Variants in SYCP2 observed in about 807,000 individuals in gnomAD.
The protein encoded by SYCP2 is synaptonemal complex protein 2.
In SYCP2, 55 loss-of-function variants were observed where a neutral mutation model predicts 211.3. The ratio of observed to expected loss-of-function variants is 0.26; its 90% CI spans 0.21 to 0.33. The LOEUF is 0.33. SYCP2 is among the 10% of genes least tolerant of loss of function. The pLI, the probability that SYCP2 is intolerant of heterozygous loss-of-function variation, is 1.00. For missense variants in SYCP2, 1,731 were observed against 1,752.0 expected, an observed-to-expected ratio of 0.99 and a Z score of 0.21; for synonymous variants, 570 against 555.2, an observed-to-expected ratio of 1.03 and a Z score of -0.37.
intron 18 of SYCP2, among the ~76,000 whole-genome samples, chr20:59,897,723 G>A (rs1465809894): frequency 6.6e-6 from 1 of 152,126 alleles, no homozygotes; most frequent in Non-Finnish European, 1.5e-5. Flanking sequence ...GTGCCTGTGA[G>A]AGTTATAGTT....
intron 18 of SYCP2, chr20:59,899,908 C>T (rs150349214): frequency 2.1e-4 from 98 of 477,206 alleles, no homozygotes; most frequent in African/African-American, 1.8e-3. Context: ...CTCTAATCTG[C>T]AATTTACAAC....
Position 59,882,122 on chromosome 20 carries a change from A to G in SYCP2, c.2573T>C (p.Phe858Ser). 6.2e-7 allele frequency: 1 copy of G among 1,613,126 alleles called. No homozygotes were observed. The highest frequency in any genetic ancestry group is 8.5e-7 in the Non-Finnish European group (1 of 1,179,512). ...KKSYRKLKTT[F>S]VNVTSECPVN... ...TGGGCATTCAGAAGTAACATTAACA[A>G]AGGTAGTCTTCAGTTTTCTGTAGCT... Residue 858 changes from phenylalanine to serine, a missense_variant, in exon 27 of 45, where the codon TTT (phenylalanine) becomes TCT (serine). Physicochemically the swap from Phe to Ser is radical, Grantham distance 155. Around this residue, in one of 3 missense-constraint regions of SYCP2, gnomAD observed 1,387 missense variants for 1,351.3 expected, o/e 1.03. Transcript: ENST00000357552.
Position 59,881,035 on chromosome 20 carries a change from A to G in SYCP2, c.2715-12T>C. 1 of 1,409,708 alleles carries G rather than the reference A, an allele frequency of 7.1e-7. No homozygotes were observed. Among genetic ancestry groups the G allele is most frequent in the South Asian group, 1.3e-5 (1 of 77,608 alleles). The allele number at this position is 1,409,708 out of a possible 1,614,324, so 87.3% of individuals were successfully genotyped here. On this transcript the variant is annotated splice_polypyrimidine_tract_variant and intron_variant, in intron 29 of 44. Coordinates refer to ENST00000357552, the MANE Select transcript of SYCP2 (RefSeq NM_014258.4). ...TCCTTGGACCTACCCTTAAACAAAAATATGTATTAATTAAAAAATACCCTT... is the reference window on the plus strand; with the variant it reads ...TCCTTGGACCTACCCTTAAACAAAAGTATGTATTAATTAAAAAATACCCTT...
chr20:59,910,664 A>G (rs1399945543), intron 14 of SYCP2, among the ~76,000 whole-genome samples: 1 of 151,986 alleles, frequency 6.6e-6, no homozygotes, highest in Admixed American at 6.6e-5. Flanking sequence ...TTTCCTTTAT[A>G]GTAGTTACTG....
chr20:59,901,934 G>A, intron 15 of SYCP2, 124 bp from the exon 16 acceptor site: 2 of 727,402 alleles, frequency 2.7e-6, no homozygotes, highest in Non-Finnish European at 4.1e-6. Flanking sequence ...ATTGAACAGT[G>A]TTTAAATTAA....
At chr20:59,913,584 G>A (rs1371477895) in intron 12 of SYCP2, among the ~76,000 whole-genome samples, 1 of 152,036 alleles carries the variant, frequency 6.6e-6, no homozygotes, top group Non-Finnish European at 1.5e-5. Context: ...TTACATTCCA[G>A]TATGTGGATG....
intron 3 of SYCP2, among the ~76,000 whole-genome samples, chr20:59,921,733 A>AAAAGCAAAAAAATTTTG (rs2060544879): frequency 6.6e-6 from 1 of 151,482 alleles, no homozygotes; most frequent in Non-Finnish European, 1.5e-5. Flanking sequence ...CTCAACAGAA[A>AAAAGCAAAAAAATTTTG]CTTGATGAAA....
chr20:59,917,812 A>G (rs1416107448), intron 7 of SYCP2, among the ~76,000 whole-genome samples: 1 of 152,178 alleles, frequency 6.6e-6, no homozygotes, highest in African/African-American at 2.4e-5. Context: ...GTAGGAACAT[A>G]TTCTGTATTC....
At chr20:59,930,051 CTCT>C (rs1469539930) in intron 2 of SYCP2, among the ~76,000 whole-genome samples, 2 of 152,122 alleles carry the variant, frequency 1.3e-5, no homozygotes, top group African/African-American at 4.8e-5. Context: ...TTCTCACTAT[CTCT>C]TATTACTGAG....
Position 59,893,341 on chromosome 20 carries a change from A to G in SYCP2, c.1736-142T>C, listed in dbSNP as rs2059945710. On this transcript the variant is annotated intron_variant, in intron 21 of 44. Transcript: ENST00000357552. ...TTTTGCATCCTCTCTCTTAAACCCA[A>G]ACTTCTGGGGAACAAAGGTGGTATA... is the stretch of plus-strand genomic sequence containing the variant. 3 of 752,606 alleles carry G rather than the reference A, an allele frequency of 4.0e-6. No individual in the cohort carries two copies. In the South Asian group the frequency reaches 5.8e-5, roughly 15 times the overall value. 46.6% of individuals were successfully genotyped at this position (752,606 alleles called of 1,614,324 possible).
chr20:59,914,041 G>T lies in SYCP2; in HGVS notation c.778-14C>A, dbSNP rs1387420010. 6.3e-7 allele frequency: 1 copy of T among 1,584,980 alleles called. No homozygotes were observed. The highest frequency in any genetic ancestry group is 2.3e-5 in the East Asian group (1 of 44,128). On this transcript the variant is annotated splice_polypyrimidine_tract_variant and intron_variant, in intron 11 of 44. Transcript: ENST00000357552. ...TATCCTGCAATCCTAATTTTAAAGAGAAATACTTTTAAAAATCATAATAAT... is the reference window on the plus strand; with the variant it reads ...TATCCTGCAATCCTAATTTTAAAGATAAATACTTTTAAAAATCATAATAAT...
intron 44 of SYCP2, 41 bp from the exon 45 acceptor site, chr20:59,864,429 T>G: frequency 1.4e-6 from 2 of 1,393,922 alleles, no homozygotes; most frequent in Non-Finnish European, 2.0e-6. Context: ...GATTTCACAT[T>G]TTCGCTGTAA....
chr20:59,903,950 G>A (rs1001615735), intron 15 of SYCP2, among the ~76,000 whole-genome samples: 7 of 152,064 alleles, frequency 4.6e-5, no homozygotes, highest in African/African-American at 1.2e-4. Context: ...TATGTTTAAA[G>A]GTGTCAGAGA....
In SYCP2 at chr20:59,886,727, T is replaced by G; in HGVS notation, c.2472A>C (p.Leu824Phe). The G allele has an allele frequency of 6.4e-7, 1 of 1,570,488 alleles. No individual in the cohort carries two copies. Among genetic ancestry groups the G allele is most frequent in the Non-Finnish European group, 8.6e-7 (1 of 1,163,570 alleles). ...TKDDIKSTRK[L>F]KESLINSGFS... is the part of the protein sequence containing the mutation. ...CATACCTGTTAATCAAAGACTCCTT[T>G]AATTTTCTTGTAGACTTGATGTCAT... The change falls in exon 25 of 45, where the codon TTA (leucine) becomes TTC (phenylalanine). Residue 824 changes from leucine to phenylalanine, a missense_variant. By Grantham distance (22) the Leu-to-Phe change is conservative. This residue lies in a region of SYCP2 where 1,387 missense variants were observed against 1,351.3 expected (regional missense o/e 1.03). Coordinates refer to ENST00000357552, the MANE Select transcript of SYCP2 (RefSeq NM_014258.4).
chr20:59,873,616 A>T (rs2059495335), intron 35 of SYCP2, among the ~76,000 whole-genome samples: 1 of 152,076 alleles, frequency 6.6e-6, no homozygotes, highest in African/African-American at 2.4e-5. Context: ...ATGAGAAACT[A>T]CTGTACTCTC....
At position 59,907,248 on chromosome 20, in the gene SYCP2, C is replaced by A. The variant is rs187477922; in HGVS notation, c.1033+116G>T. 109 of 683,642 alleles carry A rather than the reference C, an allele frequency of 1.6e-4. No individual in the cohort carries two copies. The African/African-American group carries it at 1.9e-3, about 12-fold the overall frequency. 42.3% of individuals were successfully genotyped at this position (683,642 alleles called of 1,614,324 possible). ...GTTTGATGAATTTCTGAATGTGAAC[C>A]TCTGAAAATATTGATTTTGCTTTCA... On this transcript the variant is annotated intron_variant, in intron 15 of 44. Transcript: ENST00000357552.
chr20:59,880,775 A>C (rs1036659674), intron 30 of SYCP2, among the ~76,000 whole-genome samples, 191 bp downstream of exon 30: 1 of 151,770 alleles, frequency 6.6e-6, no homozygotes, highest in African/African-American at 2.4e-5. Context: ...AAAAAAACTA[A>C]ACGTGGCATT....
intron 12 of SYCP2, among the ~76,000 whole-genome samples, chr20:59,913,302 G>A (rs536395868): frequency 6.6e-6 from 1 of 152,214 alleles, no homozygotes; most frequent in Admixed American, 6.5e-5. Flanking sequence ...ATTAGAACAG[G>A]AAGAGAGGAA....
rs778429163 is a variant in SYCP2, at chr20:59,893,146, T to C, written c.1789A>G (p.Thr597Ala). 7 of 1,598,620 alleles carry C rather than the reference T, an allele frequency of 4.4e-6. No individual in the cohort carries two copies. The East Asian group carries it at 6.7e-5, about 15-fold the overall frequency. ...DSQAAEKRDH[T>A]ILPGVLDNIC... ...TGATGGTTTTCTCATACTTACATAG[T>C]ATGATCTCTTTTTTCCGCTGCCTGT... The change falls in exon 22 of 45, where the codon ACT becomes GCT. Residue 597 changes from threonine to alanine, a missense_variant. Physicochemically the swap from Thr to Ala is moderately conservative, Grantham distance 58. Coordinates refer to ENST00000357552, the MANE Select transcript of SYCP2 (RefSeq NM_014258.4).
Sources: gnomAD v4.1 joint callset for allele counts (sites outside exome capture counted in the v4.1 genomes callset) on GRCh38, gnomAD v4.1.1 for gene constraint, gnomAD v4.1.1 regional missense constraint, MANE v1.5 for transcripts, NCBI Gene and HGNC (gene_info 2026-07-23, HGNC 2026-07-21) for gene names.